NMU: variants seen among roughly 807,000 people sequenced by gnomAD.
NMU encodes the protein neuromedin-U.
In NMU, 29 loss-of-function variants were observed where a neutral mutation model predicts 35.4. The ratio of observed to expected loss-of-function variants is 0.82; its 90% CI spans 0.61 to 1.12. The LOEUF is 1.12. Ranked by LOEUF, NMU falls within the 50% of genes most tolerant of loss-of-function variation. NMU has a pLI of 0.00. For synonymous variants in NMU, 78 were observed against 81.3 expected (o/e 0.96, Z 0.22); for missense variants, 199 against 206.2 (o/e 0.97, Z 0.21).
Position 55,619,290 on chromosome 4 carries a change from G to A in NMU, c.172-2905C>T, listed in dbSNP as rs1479241872. Among the ~76,000 whole-genome samples the A allele has an allele frequency of 4.8e-5, 7 of 146,464 alleles. 1 individual carries two copies. The highest frequency in any genetic ancestry group is 5.0e-5 in the African/African-American group (2 of 39,828). Reference sequence around the variant, plus strand: ...CACTAGGGAGTGCCAGACAGTGGGCGCAGGCCAGTGGGTGCGCGCACCTTG... The same window carrying A: ...CACTAGGGAGTGCCAGACAGTGGGCACAGGCCAGTGGGTGCGCGCACCTTG... On this transcript the variant is annotated intron_variant, in intron 2 of 9. Transcript: ENST00000264218.
At chr4:55,636,387 C>A (rs1393363738), upstream of NMU, 2 of 812,416 alleles carry the variant, frequency 2.5e-6, no homozygotes, top group Non-Finnish European at 3.4e-6. This position sits in a 1 kb window ranked among gnomAD's most constrained non-coding sequence, Gnocchi z 4.0. Context: ...CGCCGCCTGC[C>A]GCCCCCGGCC....
chr4:55,603,144 C>T (rs779295496), intron 7 of NMU, among the ~76,000 whole-genome samples: 6 of 151,912 alleles, frequency 3.9e-5, no homozygotes, highest in Admixed American at 2.6e-4. Flanking sequence ...ATTACAGGTG[C>T]CGCCACCATG....
intron 2 of NMU, among the ~76,000 whole-genome samples, chr4:55,627,068 G>C (rs540649202): frequency 6.6e-6 from 1 of 152,176 alleles, no homozygotes. Flanking sequence ...TCTGGCTGGC[G>C]CAAGCACAGG....
chr4:55,600,588 A>C lies in NMU; in HGVS notation c.436-13T>G. The C allele has an allele frequency of 1.3e-6, 2 of 1,596,532 alleles. No individual in the cohort carries two copies. Among genetic ancestry groups the C allele is most frequent in the Non-Finnish European group, 1.7e-6 (2 of 1,164,368 alleles). ...TTTGGAATTCTTCCTAGAAGAGAAA[A>C]TGAGGGCATTACAAATCACATAACA... On this transcript the variant is annotated splice_polypyrimidine_tract_variant and intron_variant, in intron 7 of 9. Transcript: ENST00000264218.
intron 2 of NMU, among the ~76,000 whole-genome samples, chr4:55,618,884 C>CTT (rs775458324): frequency 6.3e-5 from 8 of 127,914 alleles, no homozygotes; most frequent in African/African-American, 1.2e-4. Context: ...TTCTCTCTTT[C>CTT]TTTTTTTTTT....
intron 6 of NMU, 63 bp from the exon 7 acceptor site, chr4:55,605,412 G>A (rs1010822137): frequency 8.3e-5 from 97 of 1,172,068 alleles, no homozygotes; most frequent in Admixed American, 3.4e-5. Context: ...CCATCAAGAC[G>A]GTTTCCTATT....
rs1733828885 is a variant in NMU, at chr4:55,609,179, C to T, written c.220G>A (p.Ala74Thr). 1 of 1,608,496 alleles carries T rather than the reference C, an allele frequency of 6.2e-7. No individual in the cohort carries two copies. Among genetic ancestry groups the T allele is most frequent in the Non-Finnish European group, 8.5e-7 (1 of 1,174,986 alleles). ...CAAAGCTCCTCCAGTGCGTTGGATGCCTAACAGAAATGAGAAGATATGTAA... is the reference window on the plus strand; with the variant it reads ...CAAAGCTCCTCCAGTGCGTTGGATGTCTAACAGAAATGAGAAGATATGTAA... ...SFLSIDSQPQ[A>T]SNALEELCFM... The change falls in exon 4 of 10, where the codon GCA (alanine) becomes ACA (threonine). Residue 74 changes from alanine to threonine, a missense_variant and splice_region_variant. Coordinates refer to ENST00000264218, the MANE Select transcript of NMU (RefSeq NM_006681.4).
chr4:55,636,429 C>A, upstream of NMU: 1 of 521,316 alleles, frequency 1.9e-6, no homozygotes, highest in Non-Finnish European at 3.1e-6. The surrounding 1 kb of genome is among the most constrained non-coding windows in gnomAD (Gnocchi z 4.0). Flanking sequence ...GCTGCCTGCC[C>A]GCGCCCCACC....
At chr4:55,627,525 C>T (rs1167512335) in intron 2 of NMU, among the ~76,000 whole-genome samples, 6 of 151,788 alleles carry the variant, frequency 4.0e-5, no homozygotes, top group African/African-American at 7.3e-5. Flanking sequence ...GAATGTCGCT[C>T]CAAATATATA....
At chr4:55,636,388 G>A, upstream of NMU, 2 of 809,670 alleles carry the variant, frequency 2.5e-6, no homozygotes, top group Non-Finnish European at 3.4e-6. This position sits in a 1 kb window ranked among gnomAD's most constrained non-coding sequence, Gnocchi z 4.0. Flanking sequence ...GCCGCCTGCC[G>A]CCCCCGGCCT....
At position 55,600,481 on chromosome 4, in the gene NMU, T is replaced by C. The variant is rs759988073; in HGVS notation, c.489+41A>G. 25 of 1,271,150 alleles carry C rather than the reference T, an allele frequency of 2.0e-5. No homozygotes were observed. The Admixed American group carries it at 3.6e-4, about 18-fold the overall frequency. 78.7% of individuals were successfully genotyped at this position (1,271,150 alleles called of 1,614,324 possible). A position where few individuals can be genotyped will look rare whatever the true frequency, so the allele number is the denominator to read the frequency against. The stretch of plus-strand genomic sequence containing the variant: ...TACACAGGGAACATATTTTTAAATT[T>C]TGGTGTAGATTGATTTTTTAAAAAT... On this transcript the variant is annotated intron_variant, in intron 8 of 9. Transcript: ENST00000264218.
At chr4:55,608,099 T>C (rs890417417) in intron 4 of NMU, among the ~76,000 whole-genome samples, 5 of 135,478 alleles carry the variant, frequency 3.7e-5, no homozygotes, top group Non-Finnish European at 1.5e-5. Context: ...GGCGTGAACC[T>C]GGGAGGCGGA....
At chr4:55,631,571 C>G (rs958311266) in intron 1 of NMU, among the ~76,000 whole-genome samples, 6 of 152,124 alleles carry the variant, frequency 3.9e-5, no homozygotes, top group African/African-American at 1.4e-4. Flanking sequence ...AAAAAATGCT[C>G]AGCATCACTA....
In NMU at chr4:55,636,090, C is replaced by A; in HGVS notation, c.103G>T (p.Ala35Ser). Residue 35 changes from alanine (A) to serine (S), a missense_variant, in exon 1 of 10, where the codon GCC (alanine) becomes TCC (serine). Coordinates refer to ENST00000264218, the MANE Select transcript of NMU (RefSeq NM_006681.4). This position sits in a 1 kb window ranked among gnomAD's most constrained non-coding sequence, Gnocchi z 4.0. ...LLLLLAWCAG[A>S]CRGAPILPQG... ...TGCGGGGCCGTCTTACCTCGGCAGGCGCCCGCGCACCAGGCGAGCAGCAGC... is the reference window on the plus strand; with the variant it reads ...TGCGGGGCCGTCTTACCTCGGCAGGAGCCCGCGCACCAGGCGAGCAGCAGC... 6.5e-7 allele frequency: 1 copy of A among 1,530,820 alleles called. No homozygotes were observed. The highest frequency in any genetic ancestry group is 2.0e-5 in the Admixed American group (1 of 50,840). 94.8% of individuals were successfully genotyped at this position (1,530,820 alleles called of 1,614,324 possible). A position where few individuals can be genotyped will look rare whatever the true frequency, so the allele number is the denominator to read the frequency against.
At chr4:55,613,674 A>G (rs1246463527) in intron 3 of NMU, among the ~76,000 whole-genome samples, 4 of 152,138 alleles carry the variant, frequency 2.6e-5, no homozygotes, top group African/African-American at 4.8e-5. Context: ...GGCCCCCCAC[A>G]TTGACTCTTT....
chr4:55,608,703 T>C (rs1733803824), intron 4 of NMU, among the ~76,000 whole-genome samples: 1 of 146,140 alleles, frequency 6.8e-6, no homozygotes, highest in African/African-American at 2.5e-5. Flanking sequence ...CAATACAGTT[T>C]GCTTTTTTTT....
Position 55,607,331 on chromosome 4 carries a change from C to A in NMU, c.327G>T (p.Ser109=). The change falls in exon 6 of 10, where the codon TCG becomes TCT. Residue 109 remains serine (S), a synonymous_variant. Coordinates refer to ENST00000264218, the MANE Select transcript of NMU (RefSeq NM_006681.4). The stretch of plus-strand genomic sequence containing the variant: ...TTGACTTGCCCAACTTCTGTGTCTT[C>A]GAATAATGAAATAAGAACTGTTTAA... The part of the protein sequence containing the change: ...DNTKRFLFHY[S]KTQKLGKSNV... 1.2e-6 allele frequency: 2 copies of A among 1,607,130 alleles called. No homozygotes were observed. The highest frequency in any genetic ancestry group is 1.7e-6 in the Non-Finnish European group (2 of 1,174,416).
intron 3 of NMU, among the ~76,000 whole-genome samples, chr4:55,612,545 G>C (rs186128675): frequency 1.3e-5 from 2 of 152,230 alleles, no homozygotes; most frequent in Admixed American, 1.3e-4. Context: ...TTTCAAAATA[G>C]AAAATACAAA....
chr4:55,610,904 G>T (rs1322521369), intron 3 of NMU, among the ~76,000 whole-genome samples: 1 of 152,136 alleles, frequency 6.6e-6, no homozygotes, highest in African/African-American at 2.4e-5. Flanking sequence ...ATGCATGCTT[G>T]TGTCTTCATT....
Sources: allele counts gnomAD v4.1 joint callset (sites outside exome capture counted in the v4.1 genomes callset), GRCh38; gene constraint gnomAD v4.1.1; non-coding constraint Gnocchi (gnomAD v3.1); transcripts MANE v1.5; gene names NCBI Gene and HGNC (gene_info 2026-07-23, HGNC 2026-07-21).